PRMT8: variants seen among roughly 807,000 people sequenced by gnomAD.
PRMT8 encodes protein arginine N-methyltransferase 8.
Under a neutral mutation model 47.1 loss-of-function variants are expected in PRMT8, and 7 were observed. The observed-to-expected ratio is 0.15, with a 90% CI of 0.08 to 0.28. The LOEUF (loss-of-function observed/expected upper bound fraction) is 0.28, where lower values mean the gene tolerates loss of function less well. Among genes scored for constraint, PRMT8 ranks in the 10% least tolerant of loss-of-function variants. The probability of loss-of-function intolerance (pLI) is 1.00; values close to 1 mark genes in which losing one functional copy is unlikely to be tolerated. For synonymous variants in PRMT8, 188 were observed against 186.5 expected (o/e 1.01, Z -0.07); for missense variants, 237 against 505.4 (o/e 0.47, Z 5.09).
intron 1 of PRMT8, among the ~76,000 whole-genome samples, chr12:3,518,259 G>A (rs1029475309): frequency 2.0e-5 from 3 of 152,110 alleles, no homozygotes; most frequent in Non-Finnish European, 2.9e-5. Flanking sequence ...TTAGAACAAC[G>A]TGAGAAGGAC....
chr12:3,478,303 T>C (rs926514313), intron 1 of PRMT8, among the ~76,000 whole-genome samples: 32 of 136,162 alleles, frequency 2.4e-4, no homozygotes, highest in African/African-American at 4.2e-4. Context: ...TATCTATCTA[T>C]CTATCTACCT....
Position 3,478,316 on chromosome 12 carries a change from C to T in PRMT8, c.49-62290C>T, listed in dbSNP as rs544029958. Among the ~76,000 whole-genome samples, 15 of 152,156 alleles carry T rather than the reference C, an allele frequency of 9.9e-5. No individual in the cohort carries two copies. In the East Asian group the frequency reaches 1.5e-3, roughly 16 times the overall value. ...TCTATCTATCTATCTATCTACCTAC[C>T]TATCTATCTGTCTGTCTATCTAATC... On this transcript the variant is annotated intron_variant, in intron 1 of 9. Transcript: ENST00000452611.
In PRMT8 at chr12:3,406,407, G is replaced by A. The variant is rs116594186; in HGVS notation, c.48+24965G>A. ...CTCCTCGTTACTTATGCAGATTTCTGTAGTGGACTTGAATTTTTTCCCAGA... is the reference window on the plus strand; with the variant it reads ...CTCCTCGTTACTTATGCAGATTTCTATAGTGGACTTGAATTTTTTCCCAGA... On this transcript the variant is annotated intron_variant, in intron 1 of 9. Transcript: ENST00000452611. 9.6e-3 allele frequency among the ~76,000 whole-genome samples: 1,457 copies of A among 152,356 alleles called. 29 individuals carry two copies. The highest frequency in any genetic ancestry group is 0.033 in the African/African-American group (1,377 of 41,582).
chr12:3,388,770 T>C (rs1158650281), intron 1 of PRMT8, among the ~76,000 whole-genome samples: 3 of 152,212 alleles, frequency 2.0e-5, no homozygotes, highest in East Asian at 3.9e-4. Flanking sequence ...AAGTAGACTT[T>C]CTTATCTCGC....
Position 3,593,307 on chromosome 12 carries a change from A to G in PRMT8, c.*125A>G. On this transcript the variant is annotated 3_prime_UTR_variant, in exon 10 of 10. Transcript: ENST00000382622. The surrounding 1 kb of genome is among the most constrained non-coding windows in gnomAD (Gnocchi z 4.8). ...AACCAGAGTTTTCAACTCTGCCTTG[A>G]AGATTGGTGAACTCCCCAGGGCTCC... The G allele has an allele frequency of 1.3e-6, 1 of 799,334 alleles. No individual in the cohort carries two copies. Among genetic ancestry groups the G allele is most frequent in the Non-Finnish European group, 2.0e-6 (1 of 504,014 alleles). 49.5% of individuals were successfully genotyped at this position (799,334 alleles called of 1,614,324 possible).
rs1456267329 is a variant in PRMT8 at position 3,552,746 on chromosome 12, C to T, written c.418-905C>T. ...AAGGCGTGGCCAGAGGCGTCAGAAA[C>T]TCCCTCAGTGCCCCTTTGCGAGTAC... On this transcript the variant is annotated intron_variant, in intron 3 of 9. Transcript: ENST00000382622. This position sits in a 1 kb window ranked among gnomAD's most constrained non-coding sequence, Gnocchi z 4.5. 1 of 480,790 alleles carries T rather than the reference C, an allele frequency of 2.1e-6. No individual in the cohort carries two copies. Among genetic ancestry groups the T allele is most frequent in the Non-Finnish European group, 4.2e-6 (1 of 240,028 alleles). The allele number at this position is 480,790 out of a possible 1,614,324, so 29.8% of individuals were successfully genotyped here.
intron 2 of PRMT8, 23 bp downstream of exon 2, chr12:3,540,814 C>T: frequency 6.2e-7 from 1 of 1,606,934 alleles, no homozygotes; most frequent in Non-Finnish European, 8.5e-7. Context: ...GAGTGGGTGG[C>T]TAATGGGGCG....
intron 1 of PRMT8, among the ~76,000 whole-genome samples, chr12:3,484,762 C>T (rs149732581): frequency 3.9e-4 from 59 of 152,318 alleles, no homozygotes; most frequent in African/African-American, 1.2e-3. Context: ...CTTTGAAGCA[C>T]GCTTTGATAG....
At chr12:3,461,524 C>T (rs980297511) in intron 1 of PRMT8, among the ~76,000 whole-genome samples, 13 of 152,232 alleles carry the variant, frequency 8.5e-5, no homozygotes, top group African/African-American at 2.4e-5. Context: ...GCTCAAATAA[C>T]TGCCACTTGC....
At chr12:3,520,110 C>T (rs368807457) in intron 1 of PRMT8, among the ~76,000 whole-genome samples, 1 of 152,124 alleles carries the variant, frequency 6.6e-6, no homozygotes. Flanking sequence ...AGGATCCTTG[C>T]AGCTGAGGAG....
intron 1 of PRMT8, among the ~76,000 whole-genome samples, chr12:3,476,541 G>A (rs369455538): frequency 6.6e-6 from 1 of 152,264 alleles, no homozygotes; most frequent in African/African-American, 2.4e-5. Flanking sequence ...TGGCTCATTA[G>A]CAAGCATGTG....
chr12:3,472,207 G>T (rs1294107739), intron 1 of PRMT8, among the ~76,000 whole-genome samples: 1 of 152,190 alleles, frequency 6.6e-6, no homozygotes, highest in Non-Finnish European at 1.5e-5. Flanking sequence ...GGCTACAGGA[G>T]GTGATCCACA....
chr12:3,416,734 T>C lies in PRMT8; in HGVS notation c.48+35292T>C, dbSNP rs539499642. 1.4e-3 allele frequency among the ~76,000 whole-genome samples: 206 copies of C among 152,242 alleles called. 1 individual carries two copies. Among genetic ancestry groups the C allele is most frequent in the African/African-American group, 4.6e-3 (190 of 41,540 alleles). ...GGACCCTGAGTCAGGAGAGAGCAGA[T>C]ATTAGAAGGAGAAAAACAAGTTGTG... On this transcript the variant is annotated intron_variant, in intron 1 of 9. Transcript: ENST00000452611.
At chr12:3,559,077 C>G (rs1231195960) in intron 4 of PRMT8, among the ~76,000 whole-genome samples, 1 of 152,092 alleles carries the variant, frequency 6.6e-6, no homozygotes, top group Admixed American at 6.5e-5. Context: ...AGACAGCCAG[C>G]GTTCATCCAT....
At chr12:3,495,695 A>T (rs934586535) in intron 1 of PRMT8, among the ~76,000 whole-genome samples, 2 of 152,222 alleles carry the variant, frequency 1.3e-5, no homozygotes, top group Non-Finnish European at 2.9e-5. Flanking sequence ...CTGACACACA[A>T]TAAGTAATAA....
chr12:3,524,991 G>A (rs1865931951), intron 1 of PRMT8, among the ~76,000 whole-genome samples: 1 of 152,210 alleles, frequency 6.6e-6, no homozygotes, highest in South Asian at 2.1e-4. Context: ...GGGAGACCGA[G>A]GCGGGTGGAT....
Position 3,569,235 on chromosome 12 carries a change from T to C in PRMT8, c.625-242T>C, listed in dbSNP as rs141730257. Among the ~76,000 whole-genome samples the C allele has an allele frequency of 6.6e-6, 1 of 152,298 alleles. No homozygotes were observed. The highest frequency in any genetic ancestry group is 1.9e-4 in the East Asian group (1 of 5,184). On this transcript the variant is annotated intron_variant, in intron 5 of 9. Coordinates refer to ENST00000382622, the MANE Select transcript of PRMT8 (RefSeq NM_019854.5). The surrounding 1 kb of genome is among the most constrained non-coding windows in gnomAD (Gnocchi z 8.2). ...ACATCTCTCACTGCTCCTCACTGGATTTACCTTCACCTCACCTCATTTGTC... is the reference window on the plus strand; with the variant it reads ...ACATCTCTCACTGCTCCTCACTGGACTTACCTTCACCTCACCTCATTTGTC...
In PRMT8 at chr12:3,518,667, G is replaced by A. The variant is rs34316545; in HGVS notation, c.76-21939G>A. On this transcript the variant is annotated intron_variant, in intron 1 of 9. Transcript: ENST00000382622. ...TGGGATAACAATAACCCCAGAAATCGGGCCCAAATGCAAGACCCTAGAAAG... is the reference window on the plus strand; with the variant it reads ...TGGGATAACAATAACCCCAGAAATCAGGCCCAAATGCAAGACCCTAGAAAG... Among the ~76,000 whole-genome samples, 1,243 of 152,064 alleles carry A rather than the reference G, an allele frequency of 8.2e-3. 3 individuals carry two copies. The highest frequency in any genetic ancestry group is 0.014 in the Non-Finnish European group (977 of 67,980).
chr12:3,580,003 A>G lies in PRMT8; in HGVS notation c.828+3017A>G, dbSNP rs2137223906. 6.6e-6 allele frequency among the ~76,000 whole-genome samples: 1 copy of G among 152,156 alleles called. No homozygotes were observed. The highest frequency in any genetic ancestry group is 1.9e-4 in the East Asian group (1 of 5,150). Reference sequence around the variant, plus strand: ...GGCTGGGCTCTGGGGAGTCAGGGTAACTGGGGCTGATTTGGTTGGGGGTTG... The same window carrying G: ...GGCTGGGCTCTGGGGAGTCAGGGTAGCTGGGGCTGATTTGGTTGGGGGTTG... On this transcript the variant is annotated intron_variant, in intron 7 of 9. Coordinates refer to ENST00000382622, the MANE Select transcript of PRMT8 (RefSeq NM_019854.5). This position sits in a 1 kb window ranked among gnomAD's most constrained non-coding sequence, Gnocchi z 4.6.
Sources: allele counts gnomAD v4.1 joint callset (sites outside exome capture counted in the v4.1 genomes callset), GRCh38; gene constraint gnomAD v4.1.1; non-coding constraint Gnocchi (gnomAD v3.1); transcripts MANE v1.5; gene names NCBI Gene and HGNC (gene_info 2026-07-23, HGNC 2026-07-21).